Variants in PFKFB2 observed in about 807,000 individuals in gnomAD.
The protein encoded by PFKFB2 is 6-phosphofructo-2-kinase/fructose-2,6-biphosphatase 2, also known as 6-phosphofructo-2-kinase/fructose-2,6-bisphosphatase 2.
Under a neutral mutation model 68.0 loss-of-function variants are expected in PFKFB2, and 53 were observed. That is an observed-to-expected ratio of 0.78 (90% CI 0.63 to 0.98). The LOEUF (loss-of-function observed/expected upper bound fraction) is 0.98. PFKFB2 is among the 50% of genes least tolerant of loss of function. The pLI is 0.00. For synonymous variants in PFKFB2, 222 were observed against 227.6 expected, an observed-to-expected ratio of 0.98 and a Z score of 0.22; for missense variants, 451 against 642.0, an observed-to-expected ratio of 0.70 and a Z score of 3.22.
chr1:207,042,744 C>T (rs144330859), intron 2 of PFKFB2, among the ~76,000 whole-genome samples: 53 of 152,206 alleles, frequency 3.5e-4, no homozygotes, highest in African/African-American at 1.2e-3. Flanking sequence ...GCTGAACTCA[C>T]ATAATGGATT....
chr1:207,061,940 C>A lies in PFKFB2; in HGVS notation c.86-13C>A. 6.2e-7 allele frequency: 1 copy of A among 1,612,266 alleles called. No homozygotes were observed. The highest frequency in any genetic ancestry group is 8.5e-7 in the Non-Finnish European group (1 of 1,178,334). ...CTAGTCATTTCGTTTTATTTTGTTT[C>A]ATTTCCTTCTAGCATGGGCCTCCTA... On this transcript the variant is annotated splice_polypyrimidine_tract_variant and intron_variant, in intron 2 of 14. Transcript: ENST00000367080.
At chr1:207,049,572 C>T (rs1341588200), upstream of PFKFB2, 56 of 1,614,082 alleles carry the variant, frequency 3.5e-5, no homozygotes, top group Non-Finnish European at 4.7e-5. Context: ...CGACATAGTA[C>T]ACACTAGTAA....
In PFKFB2 at chr1:207,073,215, T is replaced by A. The variant is rs1683520063; in HGVS notation, c.*844T>A. On this transcript the variant is annotated 3_prime_UTR_variant, in exon 15 of 15. Transcript: ENST00000367080. ...AATGTCTTGGTTTTTATTTTTAATT[T>A]AGAGTCAGGCCTGGGTCTTTTGAGG... 1.0e-6 allele frequency: 1 copy of A among 985,442 alleles called. No individual in the cohort carries two copies. Among genetic ancestry groups the A allele is most frequent in the Non-Finnish European group, 1.2e-6 (1 of 830,032 alleles). The allele number at this position is 985,442 out of a possible 1,614,324, so 61.0% of individuals were successfully genotyped here.
At chr1:207,037,179 T>C (rs1682392269) in intron 1 of PFKFB2, among the ~76,000 whole-genome samples, 2 of 152,236 alleles carry the variant, frequency 1.3e-5, no homozygotes, top group Admixed American at 6.5e-5. Flanking sequence ...CTATAGACTG[T>C]TTGAATTCTT....
At chr1:207,067,004 A>G (rs1683310412) in intron 8 of PFKFB2, among the ~76,000 whole-genome samples, 1 of 152,218 alleles carries the variant, frequency 6.6e-6, no homozygotes, top group Non-Finnish European at 1.5e-5. Flanking sequence ...CAAAGCAAGC[A>G]ATGTCTGAAA....
chr1:207,073,393 A>G lies in PFKFB2; in HGVS notation c.*1022A>G, dbSNP rs1273292162. The G allele has an allele frequency of 1.0e-6, 1 of 985,324 alleles. No homozygotes were observed. The highest frequency in any genetic ancestry group is 1.2e-6 in the Non-Finnish European group (1 of 829,934). The allele number at this position is 985,324 out of a possible 1,614,324, so 61.0% of individuals were successfully genotyped here. On this transcript the variant is annotated 3_prime_UTR_variant, in exon 15 of 15. Coordinates refer to ENST00000367080, the MANE Select transcript of PFKFB2 (RefSeq NM_006212.2). Reference sequence around the variant, plus strand: ...CCAGTATCCTCTGGGGCTGTTTAGAAGGGCAGTTAGATTCAGGAGTCACCA... The same window carrying G: ...CCAGTATCCTCTGGGGCTGTTTAGAGGGGCAGTTAGATTCAGGAGTCACCA...
At chr1:207,066,584 G>A (rs1257900493) in intron 8 of PFKFB2, among the ~76,000 whole-genome samples, 5 of 152,018 alleles carry the variant, frequency 3.3e-5, no homozygotes, top group Non-Finnish European at 5.9e-5. Flanking sequence ...GTTATCTCTG[G>A]TAGTAGGGTG....
intron 1 of PFKFB2, among the ~76,000 whole-genome samples, chr1:207,040,879 A>T (rs527304685): frequency 6.6e-6 from 1 of 152,228 alleles, no homozygotes; most frequent in Non-Finnish European, 1.5e-5. Context: ...GACAGAAAAA[A>T]ACTACGTTTT....
intron 14 of PFKFB2, 36 bp downstream of exon 14, chr1:207,071,609 CT>C: frequency 6.6e-7 from 1 of 1,510,442 alleles, no homozygotes; most frequent in Non-Finnish European, 9.2e-7. Context: ...ACCAGTTTCC[CT>C]GCCACCTTGA....
Position 207,072,131 on chromosome 1 carries a change from C to T in PFKFB2, c.1351-73C>T, listed in dbSNP as rs74675284. The T allele has an allele frequency of 1.7e-3, 2,730 of 1,562,824 alleles. 26 individuals are homozygous for T. The African/African-American group carries it at 0.023, about 13-fold the overall frequency. On this transcript the variant is annotated intron_variant, in intron 14 of 14. Coordinates refer to ENST00000367080, the MANE Select transcript of PFKFB2 (RefSeq NM_006212.2). ...TGAGGGAAGCTGTTGTGGTTACAAG[C>T]GCATTATTAACCTGTATGAGTGAGC...
rs377282709 is a variant in PFKFB2 at position 207,069,409 on chromosome 1, A to G, written c.988-15A>G. The G allele has an allele frequency of 1.3e-5, 21 of 1,588,610 alleles. No homozygotes were observed. The highest frequency in any genetic ancestry group is 1.8e-5 in the Non-Finnish European group (21 of 1,156,860). ...AGTCTATCTCTTCAAGCCAGCTTCA[A>G]GTGGCTTTTTGCAGGGTGTGTGTGA... On this transcript the variant is annotated splice_polypyrimidine_tract_variant and intron_variant, in intron 10 of 14. Transcript: ENST00000367080.
intron 1 of PFKFB2, among the ~76,000 whole-genome samples, chr1:207,054,225 T>TAA (rs756361942): frequency 2.6e-5 from 4 of 152,080 alleles, no homozygotes; most frequent in African/African-American, 4.8e-5. Context: ...AACTGAGTCC[T>TAA]ACCGTTAGAT....
At position 207,077,271 on chromosome 1, in the gene PFKFB2, G is replaced by A; in HGVS notation, c.*4900G>A. 1.0e-6 allele frequency: 1 copy of A among 985,080 alleles called. No homozygotes were observed. The highest frequency in any genetic ancestry group is 1.2e-6 in the Non-Finnish European group (1 of 829,654). The allele number at this position is 985,080 out of a possible 1,614,324, so 61.0% of individuals were successfully genotyped here. A position where few individuals can be genotyped will look rare whatever the true frequency, so the allele number is the denominator to read the frequency against. Reference sequence around the variant, plus strand: ...AGGGCTGCTATTTTTAGTCAGCCATGCATTTGGATTTTACACTTAATCTAG... The same window carrying A: ...AGGGCTGCTATTTTTAGTCAGCCATACATTTGGATTTTACACTTAATCTAG... On this transcript the variant is annotated 3_prime_UTR_variant, in exon 15 of 15. Coordinates refer to ENST00000367080, the MANE Select transcript of PFKFB2 (RefSeq NM_006212.2).
chr1:207,077,887 C>T (rs1240152935), downstream of PFKFB2: 2 of 772,996 alleles, frequency 2.6e-6, no homozygotes, highest in Non-Finnish European at 3.1e-6. Flanking sequence ...ACCCCTAAAA[C>T]TTTGCCTCAT....
At chr1:207,069,029 G>A (rs979947318) in intron 10 of PFKFB2, among the ~76,000 whole-genome samples, 7 of 148,838 alleles carry the variant, frequency 4.7e-5, no homozygotes, top group South Asian at 4.2e-4. Context: ...ACAGGCATGA[G>A]CCACCGTGCC....
upstream of PFKFB2, chr1:207,050,899 G>T: frequency 6.2e-7 from 1 of 1,607,694 alleles, no homozygotes; most frequent in South Asian, 1.1e-5. Context: ...GCCACATCGT[G>T]TCGGTCCGGC....
At chr1:207,062,294 C>T (rs1683141808) in intron 3 of PFKFB2, among the ~76,000 whole-genome samples, 1 of 152,178 alleles carries the variant, frequency 6.6e-6, no homozygotes, top group South Asian at 2.1e-4. Flanking sequence ...TTTGATAGGA[C>T]TGTTAAGATT....
Position 207,071,265 on chromosome 1 carries a change from A to G in PFKFB2, c.1285+15A>G. ...TGTGGCCTATGGTAACTATGCACAT[A>G]GGGGCTGGCAGGAGCTGGGAATTGA... On this transcript the variant is annotated intron_variant, in intron 13 of 14. Transcript: ENST00000367080. 4 of 1,601,284 alleles carry G rather than the reference A, an allele frequency of 2.5e-6. No individual in the cohort carries two copies. Among genetic ancestry groups the G allele is most frequent in the Non-Finnish European group, 3.4e-6 (4 of 1,168,594 alleles).
Position 207,075,639 on chromosome 1 carries a change from A to C in PFKFB2, c.*3268A>C. The stretch of plus-strand genomic sequence containing the variant: ...AGACATTAGCATTTAATCTACTGGA[A>C]TAAGCTGGTTGCTGTGGCTTATACC... On this transcript the variant is annotated 3_prime_UTR_variant, in exon 15 of 15. Transcript: ENST00000367080. The C allele has an allele frequency of 1.0e-6, 1 of 984,998 alleles. No individual in the cohort carries two copies. Among genetic ancestry groups the C allele is most frequent in the Non-Finnish European group, 1.2e-6 (1 of 829,504 alleles). 61.0% of individuals were successfully genotyped at this position (984,998 alleles called of 1,614,324 possible).
Sources: allele counts gnomAD v4.1 joint callset (sites outside exome capture counted in the v4.1 genomes callset), GRCh38; gene constraint gnomAD v4.1.1; transcripts MANE v1.5; gene names NCBI Gene and HGNC (gene_info 2026-07-23, HGNC 2026-07-21).